ZDHHC20: variants seen among roughly 807,000 people sequenced by gnomAD.
ZDHHC20 encodes the protein palmitoyltransferase ZDHHC20.
In ZDHHC20, 43 loss-of-function variants were observed where a neutral mutation model predicts 57.8. The ratio of observed to expected loss-of-function variants is 0.74; its 90% CI spans 0.58 to 0.96. ZDHHC20 has a LOEUF of 0.96. Among genes scored for constraint, ZDHHC20 ranks in the 40% least tolerant of loss-of-function variants. The pLI, the probability that ZDHHC20 is intolerant of heterozygous loss-of-function variation, is 0.00. For missense variants in ZDHHC20, 391 were observed against 441.1 expected, an observed-to-expected ratio of 0.89 and a Z score of 1.02; for synonymous variants, 157 against 153.0, an observed-to-expected ratio of 1.03 and a Z score of -0.19.
rs77617781 is a variant in ZDHHC20 at position 21,392,691 on chromosome 13, A to G, written c.595-837T>C. On this transcript the variant is annotated intron_variant, in intron 7 of 12. Transcript: ENST00000400590. ...CTTTAAATGTTAGCTCTTAAAATAA[A>G]CCATATAGGCAAAGCATCTACTCCA... Among the ~76,000 whole-genome samples, 1,018 of 152,342 alleles carry G rather than the reference A, an allele frequency of 6.7e-3. 15 individuals carry two copies. Among genetic ancestry groups the G allele is most frequent in the African/African-American group, 0.023 (944 of 41,578 alleles).
intron 1 of ZDHHC20, among the ~76,000 whole-genome samples, chr13:21,432,325 CCACT>C (rs1566103861): frequency 6.9e-6 from 1 of 145,880 alleles, no homozygotes. Context: ...CCACAGTGTC[CCACT>C]AATTTTTTTT....
chr13:21,407,442 T>C (rs1440369433), intron 4 of ZDHHC20, among the ~76,000 whole-genome samples: 2 of 152,232 alleles, frequency 1.3e-5, no homozygotes, highest in African/African-American at 4.8e-5. Context: ...TTGAAAAGTG[T>C]CTGTTCATAC....
chr13:21,412,474 A>AG (rs1295084775), intron 4 of ZDHHC20, among the ~76,000 whole-genome samples: 1 of 152,192 alleles, frequency 6.6e-6, no homozygotes, highest in African/African-American at 2.4e-5. Context: ...TGGGATGAAG[A>AG]AGAACAATCA....
intron 1 of ZDHHC20, among the ~76,000 whole-genome samples, chr13:21,446,150 G>A (rs937468712): frequency 1.3e-5 from 2 of 152,230 alleles, no homozygotes; most frequent in African/African-American, 4.8e-5. Context: ...AAAGTGGAAA[G>A]CCATCAGAGG....
At chr13:21,420,811 C>A (rs1275594785) in intron 3 of ZDHHC20, among the ~76,000 whole-genome samples, 1 of 152,128 alleles carries the variant, frequency 6.6e-6, no homozygotes, top group East Asian at 1.9e-4. Flanking sequence ...TAAAGTATGT[C>A]TTTAAAGACA....
chr13:21,383,945 T>C (rs1405515656), intron 9 of ZDHHC20, among the ~76,000 whole-genome samples: 1 of 152,026 alleles, frequency 6.6e-6, no homozygotes, highest in Non-Finnish European at 1.5e-5. Context: ...GAATAACTGG[T>C]AAACTGTACA....
Position 21,459,045 on chromosome 13 carries a change from G to T in ZDHHC20, c.118+9C>A. ...GCGCCCCGCCGCAGTCCCCGGGGACGGTACTCACACACGCAGAGCTCCACC... is the reference window on the plus strand; with the variant it reads ...GCGCCCCGCCGCAGTCCCCGGGGACTGTACTCACACACGCAGAGCTCCACC... On this transcript the variant is annotated intron_variant, in intron 1 of 12. Transcript: ENST00000400590. The T allele has an allele frequency of 6.3e-7, 1 of 1,582,590 alleles. No homozygotes were observed. The highest frequency in any genetic ancestry group is 1.1e-5 in the South Asian group (1 of 88,016).
chr13:21,434,293 A>G (rs928776817), intron 1 of ZDHHC20, among the ~76,000 whole-genome samples: 1 of 152,202 alleles, frequency 6.6e-6, no homozygotes, highest in African/African-American at 2.4e-5. Flanking sequence ...ATGAAGAATT[A>G]GAATACCCCA....
intron 12 of ZDHHC20, 68 bp from the exon 13 acceptor site, chr13:21,376,723 G>C (rs998407742): frequency 9.6e-7 from 1 of 1,043,050 alleles, no homozygotes; most frequent in Non-Finnish European, 1.4e-6. Context: ...TTACTAAATG[G>C]TTCTGTGGGC....
At chr13:21,441,549 C>CTTTT (rs397851910) in intron 1 of ZDHHC20, among the ~76,000 whole-genome samples, 5 of 65,342 alleles carry the variant, frequency 7.7e-5, no homozygotes, top group African/African-American at 1.4e-4. Flanking sequence ...CCACGCCCGG[C>CTTTT]TTTTTTTTTT....
chr13:21,446,600 T>G (rs776834731), intron 1 of ZDHHC20, among the ~76,000 whole-genome samples: 10 of 152,344 alleles, frequency 6.6e-5, no homozygotes, highest in South Asian at 6.2e-4. Context: ...TTTAAAGACC[T>G]ATGGATCTCT....
At chr13:21,439,519 T>TCAAAA (rs779184103) in intron 1 of ZDHHC20, among the ~76,000 whole-genome samples, 1 of 151,806 alleles carries the variant, frequency 6.6e-6, no homozygotes, top group African/African-American at 2.4e-5. Context: ...ATACCCTGTC[T>TCAAAA]CAAAACAAAA....
chr13:21,420,570 A>G (rs1264785911), intron 3 of ZDHHC20, among the ~76,000 whole-genome samples: 1 of 152,236 alleles, frequency 6.6e-6, no homozygotes, highest in Admixed American at 6.5e-5. Flanking sequence ...CCTACTCCAC[A>G]TAAATGTTTA....
intron 7 of ZDHHC20, among the ~76,000 whole-genome samples, chr13:21,397,611 T>C (rs1191292228): frequency 6.6e-6 from 1 of 151,558 alleles, no homozygotes; most frequent in African/African-American, 2.4e-5. Context: ...CAGTGAGCCG[T>C]GATCGCACCA....
chr13:21,410,123 C>T (rs1160374491), intron 4 of ZDHHC20, among the ~76,000 whole-genome samples: 1 of 152,186 alleles, frequency 6.6e-6, no homozygotes, highest in Admixed American at 6.5e-5. Context: ...TGTTAGTCTT[C>T]CTTCTAACAG....
At chr13:21,435,622 T>A (rs1481917516) in intron 1 of ZDHHC20, among the ~76,000 whole-genome samples, 1 of 152,176 alleles carries the variant, frequency 6.6e-6, no homozygotes, top group Non-Finnish European at 1.5e-5. Context: ...GGGAGAAGGA[T>A]AATCTCTTCC....
At chr13:21,409,797 C>T (rs1016088709) in intron 4 of ZDHHC20, among the ~76,000 whole-genome samples, 1 of 152,166 alleles carries the variant, frequency 6.6e-6, no homozygotes, top group Admixed American at 6.5e-5. Context: ...ATCTTTATAT[C>T]AAGGTTCTTG....
chr13:21,453,244 G>T (rs1047198788), intron 1 of ZDHHC20, among the ~76,000 whole-genome samples: 1 of 152,202 alleles, frequency 6.6e-6, no homozygotes, highest in Non-Finnish European at 1.5e-5. Flanking sequence ...AATGTTAAGT[G>T]AGCCAACTGG....
intron 1 of ZDHHC20, among the ~76,000 whole-genome samples, chr13:21,455,949 C>A (rs1219117154): frequency 6.6e-6 from 1 of 152,272 alleles, no homozygotes; most frequent in East Asian, 1.9e-4. Flanking sequence ...AGCCAAACCC[C>A]TTGAATTCCA....
Sources: allele counts gnomAD v4.1 joint callset (sites outside exome capture counted in the v4.1 genomes callset), GRCh38; gene constraint gnomAD v4.1.1; transcripts MANE v1.5; gene names NCBI Gene and HGNC (gene_info 2026-07-23, HGNC 2026-07-21).